The following INPP5E variants were observed in gnomAD, a reference collection of about 807,000 sequenced individuals.
INPP5E encodes inositol polyphosphate-5-phosphatase E.
In INPP5E, 34 loss-of-function variants were observed where a neutral mutation model predicts 50.5. The ratio of observed to expected loss-of-function variants is 0.67; its 90% confidence interval spans 0.51 to 0.90. INPP5E has a LOEUF of 0.90. Among genes scored for constraint, INPP5E ranks in the 40% least tolerant of loss-of-function variants. The pLI is 0.00. For synonymous variants in INPP5E, 447 were observed against 406.0 expected (o/e 1.10, Z -1.21); for missense variants, 942 against 905.5 (o/e 1.04, Z -0.52).
chr9:136,430,931 G>A, intron 8 of INPP5E, 71 bp downstream of exon 8: 2 of 1,087,318 alleles, frequency 1.8e-6, no homozygotes, highest in Non-Finnish European at 2.8e-6. Context: ...CTGACGCCAG[G>A]CATCGGTTCC....
In INPP5E at chr9:136,431,995, A is replaced by G. The variant is rs1461888763; in HGVS notation, c.1388-10T>C. On this transcript the variant is annotated splice_polypyrimidine_tract_variant and intron_variant, in intron 6 of 9. Transcript: ENST00000371712. ...CGGGTGGTGACGTCCGCTGCGGCACAGTGGGCCATGTGTGGGCACAGGCAG... is the reference window on the plus strand; with the variant it reads ...CGGGTGGTGACGTCCGCTGCGGCACGGTGGGCCATGTGTGGGCACAGGCAG... 6.2e-7 allele frequency: 1 copy of G among 1,612,606 alleles called. No individual in the cohort carries two copies. The highest frequency in any genetic ancestry group is 8.5e-7 in the Non-Finnish European group (1 of 1,179,896).
intron 1 of INPP5E, 92 bp downstream of exon 1, chr9:136,438,516 C>A: frequency 8.6e-7 from 1 of 1,159,054 alleles, no homozygotes; most frequent in Non-Finnish European, 1.3e-6. Context: ...GCATCTTAAA[C>A]GCTGCTGATG....
At position 136,438,432 on chromosome 9, in the gene INPP5E, G is replaced by C. The variant is rs1042700860; in HGVS notation, c.812+176C>G. The C allele has an allele frequency of 1.2e-5, 8 of 651,986 alleles. No homozygotes were observed. In the African/African-American group the frequency reaches 1.3e-4, roughly 10 times the overall value. The allele number at this position is 651,986 out of a possible 1,614,324, so 40.4% of individuals were successfully genotyped here. ...TCTGAAACGCACAGGAAAAGTTCTGGGAAGGGCGCTGCTGTGGGGTGGGGC... is the reference window on the plus strand; with the variant it reads ...TCTGAAACGCACAGGAAAAGTTCTGCGAAGGGCGCTGCTGTGGGGTGGGGC... On this transcript the variant is annotated intron_variant, in intron 1 of 9. Transcript: ENST00000371712.
chr9:136,434,014 TGCA>T lies in INPP5E; in HGVS notation c.1034+20_1034+22del. On this transcript the variant is annotated intron_variant, in intron 3 of 9. Transcript: ENST00000371712. Reference sequence around the variant, plus strand: ...GAGACGGCAGCCCCTGGGCAGGCACTGCAGGGCCTGCAGCCGCCCTACCTGTCA... The same window carrying T: ...GAGACGGCAGCCCCTGGGCAGGCACTGGGCCTGCAGCCGCCCTACCTGTCA... 1 of 1,574,200 alleles carries T rather than the reference TGCA, an allele frequency of 6.4e-7. No homozygotes were observed. The highest frequency in any genetic ancestry group is 8.7e-7 in the Non-Finnish European group (1 of 1,155,826).
chr9:136,436,844 C>G (rs529577389), intron 1 of INPP5E: 1 of 152,270 alleles, frequency 6.6e-6, no homozygotes, highest in Middle Eastern at 3.4e-3. Flanking sequence ...TAGAACAGAC[C>G]GGAGGTCTGG....
At chr9:136,434,625 G>C (rs1409781894) in intron 2 of INPP5E, 115 bp downstream of exon 2, 1 of 1,421,106 alleles carries the variant, frequency 7.0e-7, no homozygotes, top group East Asian at 2.5e-5. Flanking sequence ...GGTGCACCTC[G>C]GGGCTCTGCC....
Position 136,429,795 on chromosome 9 carries a change from T to C in INPP5E, c.1815A>G (p.Ala605=), listed in dbSNP as rs1380365448. Residue 605 remains alanine (A), a synonymous_variant, in exon 10 of 10, where the codon GCA becomes GCG. Coordinates refer to ENST00000371712, the MANE Select transcript of INPP5E (RefSeq NM_019892.6). ...ACAGTTCTCTATCAAATTTGCCAGC[T>C]GCCAACGGAATGCTGTGGAGGAGGA... The part of the protein sequence containing the change: ...VRPGRDNIPL[A]AGKFDRELYL... The C allele has an allele frequency of 6.2e-7, 1 of 1,610,370 alleles. No individual in the cohort carries two copies. Among genetic ancestry groups the C allele is most frequent in the African/African-American group, 1.3e-5 (1 of 74,246 alleles).
chr9:136,434,709 T>TACCCCCCCCCCA, intron 2 of INPP5E, 31 bp downstream of exon 2: 1 of 1,576,298 alleles, frequency 6.3e-7, no homozygotes, highest in Middle Eastern at 2.1e-4. Context: ...ACCCCACCCT[T>TACCCCCCCCCCA]CCCCGCCCAG....
At chr9:136,432,912 CT>C (rs1835743487) in intron 5 of INPP5E, 43 bp downstream of exon 5, 1 of 1,604,636 alleles carries the variant, frequency 6.2e-7, no homozygotes, top group African/African-American at 1.3e-5. Flanking sequence ...GGAGAGGAAG[CT>C]GTTCTCACAC....
chr9:136,429,795 T>G lies in INPP5E; in HGVS notation c.1815A>C (p.Ala605=), dbSNP rs1380365448. 6.2e-7 allele frequency: 1 copy of G among 1,610,482 alleles called. No individual in the cohort carries two copies. Among genetic ancestry groups the G allele is most frequent in the Non-Finnish European group, 8.5e-7 (1 of 1,178,730 alleles). The part of the protein sequence containing the change: ...VRPGRDNIPL[A]AGKFDRELYL... ...ACAGTTCTCTATCAAATTTGCCAGC[T>G]GCCAACGGAATGCTGTGGAGGAGGA... is the stretch of plus-strand genomic sequence containing the variant. The change falls in exon 10 of 10, where the codon GCA becomes GCC. Residue 605 remains alanine (A), a synonymous_variant. Transcript: ENST00000371712.
At position 136,438,959 on chromosome 9, in the gene INPP5E, G is replaced by A; in HGVS notation, c.461C>T (p.Pro154Leu). 1 of 1,572,640 alleles carries A rather than the reference G, an allele frequency of 6.4e-7. No individual in the cohort carries two copies. The highest frequency in any genetic ancestry group is 8.6e-7 in the Non-Finnish European group (1 of 1,159,372). ...AGAGAGAGGGTTACCCCCCGAGGAC[G>A]GGCTCCCTCTCTCACTGCTCAGGAC... ...RGVLSSERGS[P>L]SSGGNPLSGV... Residue 154 changes from proline to leucine, a missense_variant, in exon 1 of 10, where the codon CCG becomes CTG. Coordinates refer to ENST00000371712, the MANE Select transcript of INPP5E (RefSeq NM_019892.6).
rs1295075168 is a variant in INPP5E at position 136,439,367 on chromosome 9, G to A, written c.53C>T (p.Pro18Leu). ...CTGTCCTTGGAGCGTCCTCCCTTCCGGCGGCTGCGGGGCCGGCTCGGAGGG... is the reference window on the plus strand; with the variant it reads ...CTGTCCTTGGAGCGTCCTCCCTTCCAGCGGCTGCGGGGCCGGCTCGGAGGG... ...LRPSEPAPQPPEGRTLQGQLP... is the reference protein window; with the variant it reads ...LRPSEPAPQPLEGRTLQGQLP... Residue 18 changes from proline (P) to leucine (L), a missense_variant, in exon 1 of 10, where the codon CCG (proline) becomes CTG (leucine). Transcript: ENST00000371712. 1.4e-6 allele frequency: 2 copies of A among 1,453,756 alleles called. No individual in the cohort carries two copies. The highest frequency in any genetic ancestry group is 1.5e-5 in the African/African-American group (1 of 67,648). The allele number at this position is 1,453,756 out of a possible 1,614,324, so 90.1% of individuals were successfully genotyped here.
At position 136,439,079 on chromosome 9, in the gene INPP5E, C is replaced by G; in HGVS notation, c.341G>C (p.Gly114Ala). ...CCCGGGGCCCTCGCTCTGCACTGAG[C>G]CCCTGGAGGGACTGGTCCCATTCCG... is the stretch of plus-strand genomic sequence containing the variant. ...EARNGTSPSR[G>A]SVQSEGPGAP... The change falls in exon 1 of 10, where the codon GGC becomes GCC. Residue 114 changes from glycine (G) to alanine (A), a missense_variant. By Grantham distance (60) the Gly-to-Ala change is moderately conservative. Coordinates refer to ENST00000371712, the MANE Select transcript of INPP5E (RefSeq NM_019892.6). The G allele has an allele frequency of 6.4e-7, 1 of 1,571,694 alleles. No individual in the cohort carries two copies. The highest frequency in any genetic ancestry group is 8.6e-7 in the Non-Finnish European group (1 of 1,159,574).
At position 136,439,122 on chromosome 9, in the gene INPP5E, G is replaced by A. The variant is rs1452867080; in HGVS notation, c.298C>T (p.Gln100Ter). The A allele has an allele frequency of 1.9e-6, 3 of 1,585,092 alleles. No individual in the cohort carries two copies. ...GWRRRRFRGSQEDLEARNGTS... is the reference protein window; with the variant it reads ...GWRRRRFRGS Reference sequence around the variant, plus strand: ...CCATTCCGGGCTTCCAGGTCCTCCTGGCTGCCTCGAAAACGCCTCCTCCTC... The same window carrying A: ...CCATTCCGGGCTTCCAGGTCCTCCTAGCTGCCTCGAAAACGCCTCCTCCTC... Residue 100 changes from glutamine to a stop codon, truncating the protein, a stop_gained, in exon 1 of 10, where the codon CAG (glutamine) becomes TAG (stop). Transcript: ENST00000371712. LOFTEE classifies it high-confidence loss of function.
chr9:136,434,936 G>C, intron 1 of INPP5E, 73 bp from the exon 2 acceptor site: 1 of 1,539,484 alleles, frequency 6.5e-7, no homozygotes, highest in Non-Finnish European at 8.8e-7. Flanking sequence ...AGGTCCCCAG[G>C]GACAATAGCA....
chr9:136,432,562 C>G lies in INPP5E; in HGVS notation c.1304G>C (p.Arg435Pro). Residue 435 changes from arginine to proline, a missense_variant, in exon 6 of 10, where the codon CGG becomes CCG. Arg to Pro is a moderately radical substitution (Grantham distance 103). Transcript: ENST00000371712. ...TACAGTCCTGGTGTAGTCCAGCAGC[C>G]GCTCCGCCACCTTCCCGTCACCTGC... ...FTSGDGKVAE[R>P]LLDYTRTVQA... The G allele has an allele frequency of 6.5e-7, 1 of 1,550,078 alleles. No homozygotes were observed.
chr9:136,438,822 C>T lies in INPP5E; in HGVS notation c.598G>A (p.Asp200Asn). 1 of 1,611,730 alleles carries T rather than the reference C, an allele frequency of 6.2e-7. No individual in the cohort carries two copies. The highest frequency in any genetic ancestry group is 8.5e-7 in the Non-Finnish European group (1 of 1,179,504). ...PPRPPPALSL[D>N]IASDSLRTAN... ...GTCCTCAGGGAGTCGGAGGCGATGT[C>T]CAGGCTCAGGGCAGGCGGTGGGCGC... is the stretch of plus-strand genomic sequence containing the variant. Residue 200 changes from aspartate (D) to asparagine (N), a missense_variant, in exon 1 of 10, where the codon GAC becomes AAC. Coordinates refer to ENST00000371712, the MANE Select transcript of INPP5E (RefSeq NM_019892.6).
intron 6 of INPP5E, 149 bp from the exon 7 acceptor site, chr9:136,432,134 T>C: frequency 1.0e-6 from 1 of 979,094 alleles, no homozygotes; most frequent in Non-Finnish European, 1.6e-6. Context: ...GGATTCGCAC[T>C]GGGACAGTTC....
rs1835772622 is a variant in INPP5E, at chr9:136,434,046, C to T, written c.1025G>A (p.Cys342Tyr). Residue 342 changes from cysteine to tyrosine, a missense_variant, in exon 3 of 10, where the codon TGT becomes TAT. By Grantham distance (194) the Cys-to-Tyr change is radical (BLOSUM62 -2). Coordinates refer to ENST00000371712, the MANE Select transcript of INPP5E (RefSeq NM_019892.6). Reference sequence around the variant, plus strand: ...CCTGCAGCCGCCCTACCTGTCAGAACAGCCCTCCTGGACCCCGATGACATA... The same window carrying T: ...CCTGCAGCCGCCCTACCTGTCAGAATAGCCCTCCTGGACCCCGATGACATA... ...DLYVIGVQEG[C>Y]SDRREWETRL... is the part of the protein sequence containing the mutation. The T allele has an allele frequency of 1.2e-6, 2 of 1,607,890 alleles. No individual in the cohort carries two copies. The highest frequency in any genetic ancestry group is 2.2e-5 in the South Asian group (2 of 90,118).
Sources: allele counts gnomAD v4.1 joint callset, GRCh38; gene constraint gnomAD v4.1.1; transcripts MANE v1.5; gene names NCBI Gene and HGNC (gene_info 2026-07-23, HGNC 2026-07-21).